SGCZ: variants seen among roughly 807,000 people sequenced by gnomAD.
SGCZ encodes zeta-sarcoglycan.
In SGCZ, 40 loss-of-function variants were observed where a neutral mutation model predicts 41.3. The observed-to-expected ratio is 0.97, with a 90% CI of 0.75 to 1.26. The LOEUF is 1.26. SGCZ is among the 50% of genes most tolerant of loss of function. The probability of loss-of-function intolerance (pLI) is 0.00; values close to 1 mark genes in which losing one functional copy is unlikely to be tolerated. For synonymous variants in SGCZ, 206 were observed against 137.5 expected (o/e 1.50, Z -3.49); for missense variants, 552 against 369.8 (o/e 1.49, Z -4.04).
At chr8:14,177,958 C>CTT (rs147303437) in intron 4 of SGCZ, among the ~76,000 whole-genome samples, 11 of 95,048 alleles carry the variant, frequency 1.2e-4, no homozygotes, top group African/African-American at 3.3e-4. Flanking sequence ...CTTTTTTTTT[C>CTT]TTTTTTTTTT....
intron 5 of SGCZ, among the ~76,000 whole-genome samples, chr8:14,133,561 A>ATTG (rs2117062873): frequency 6.6e-6 from 1 of 152,278 alleles, no homozygotes; most frequent in African/African-American, 2.4e-5. Context: ...AAGAACACTA[A>ATTG]TTGTTGGTGT....
intron 1 of SGCZ, among the ~76,000 whole-genome samples, chr8:14,604,216 G>A (rs897092127): frequency 6.6e-6 from 1 of 152,066 alleles, no homozygotes; most frequent in Non-Finnish European, 1.5e-5. Flanking sequence ...TATAGAAGAG[G>A]CTTCTTCTTA....
At chr8:14,823,241 A>G (rs2130575304) in intron 1 of SGCZ, among the ~76,000 whole-genome samples, 1 of 151,988 alleles carries the variant, frequency 6.6e-6, no homozygotes, top group South Asian at 2.1e-4. Flanking sequence ...GAATTACATC[A>G]AACAAAAAAA....
At chr8:14,752,522 T>A (rs573014212) in intron 1 of SGCZ, among the ~76,000 whole-genome samples, 1 of 152,320 alleles carries the variant, frequency 6.6e-6, no homozygotes, top group African/African-American at 2.4e-5. Context: ...GGTTTATTCA[T>A]TATCTAGCCC....
intron 4 of SGCZ, among the ~76,000 whole-genome samples, chr8:14,220,205 A>G (rs972048255): frequency 1.3e-5 from 2 of 152,180 alleles, no homozygotes; most frequent in African/African-American, 4.8e-5. Flanking sequence ...ACTGAACTGA[A>G]CTGAAAACTT....
chr8:14,869,218 C>T (rs1804052205), intron 1 of SGCZ, among the ~76,000 whole-genome samples: 1 of 152,148 alleles, frequency 6.6e-6, no homozygotes, highest in Admixed American at 6.5e-5. Context: ...AATCCAGTGG[C>T]ACATCAAATA....
At chr8:14,761,955 C>G (rs1003039449) in intron 1 of SGCZ, among the ~76,000 whole-genome samples, 4 of 152,138 alleles carry the variant, frequency 2.6e-5, no homozygotes, top group Admixed American at 2.6e-4. Flanking sequence ...GCACCAATTT[C>G]TCTAACATAT....
At chr8:15,018,536 C>T (rs952262105) in intron 1 of SGCZ, among the ~76,000 whole-genome samples, 1 of 152,072 alleles carries the variant, frequency 6.6e-6, no homozygotes, top group Admixed American at 6.6e-5. Context: ...GAGGAGCAGT[C>T]TAGGCAGAGG....
At chr8:14,316,092 T>C (rs1157606286) in intron 3 of SGCZ, among the ~76,000 whole-genome samples, 1 of 151,880 alleles carries the variant, frequency 6.6e-6, no homozygotes, top group Admixed American at 6.6e-5. Flanking sequence ...GGCAATTTCA[T>C]GGTGGAATTA....
chr8:14,651,433 A>G (rs1342627692), intron 1 of SGCZ, among the ~76,000 whole-genome samples: 1 of 152,110 alleles, frequency 6.6e-6, no homozygotes, highest in African/African-American at 2.4e-5. Flanking sequence ...GCTGTTCTTA[A>G]AATGTTTTCT....
At chr8:14,914,577 T>C (rs1302600629) in intron 1 of SGCZ, among the ~76,000 whole-genome samples, 2 of 152,118 alleles carry the variant, frequency 1.3e-5, no homozygotes, top group African/African-American at 2.4e-5. Flanking sequence ...GTTCTTTTAG[T>C]CATAGCCCAT....
rs192115257 is a variant in SGCZ at position 14,687,926 on chromosome 8, T to G, written c.40-133000A>C. ...ATGGTATCTCATTGTGGTTTTGATG[T>G]GCATTTCTCTGATAGACTGTAATGG... On this transcript the variant is annotated intron_variant, in intron 1 of 7. Transcript: ENST00000382080. Among the ~76,000 whole-genome samples the G allele has an allele frequency of 4.2e-3, 641 of 152,344 alleles. 3 individuals are homozygous for G. The highest frequency in any genetic ancestry group is 8.5e-3 in the Admixed American group (130 of 15,298).
intron 1 of SGCZ, among the ~76,000 whole-genome samples, chr8:14,889,697 A>G (rs181576173): frequency 3.3e-5 from 5 of 152,138 alleles, no homozygotes; most frequent in African/African-American, 4.8e-5. Flanking sequence ...ACATATTAAC[A>G]TATACTATTA....
intron 1 of SGCZ, among the ~76,000 whole-genome samples, chr8:15,165,292 G>GC (rs1294653441): frequency 2.3e-4 from 35 of 151,104 alleles, no homozygotes; most frequent in Non-Finnish European, 8.8e-5. Context: ...TGTCCTCCCC[G>GC]CCCCCACCAA....
intron 1 of SGCZ, among the ~76,000 whole-genome samples, chr8:14,779,789 T>C (rs995982072): frequency 6.6e-6 from 1 of 152,154 alleles, no homozygotes; most frequent in African/African-American, 2.4e-5. Flanking sequence ...TAAATGAAAG[T>C]TATTAGCAAT....
intron 6 of SGCZ, among the ~76,000 whole-genome samples, chr8:14,102,764 G>C (rs561514017): frequency 1.3e-5 from 2 of 152,066 alleles, no homozygotes; most frequent in South Asian, 4.2e-4. Flanking sequence ...ATGACAATTT[G>C]CTTATGGTTT....
intron 2 of SGCZ, among the ~76,000 whole-genome samples, chr8:14,485,872 T>A (rs1801658623): frequency 7.9e-6 from 1 of 125,874 alleles, no homozygotes; most frequent in Non-Finnish European, 1.7e-5. Context: ...TCTCGCTCTG[T>A]CGCCCAGGCC....
chr8:14,545,253 C>T (rs747210476), intron 2 of SGCZ, among the ~76,000 whole-genome samples: 2 of 151,780 alleles, frequency 1.3e-5, no homozygotes, highest in African/African-American at 2.4e-5. Context: ...ATGAGTTTAC[C>T]AACTGGCAAT....
intron 2 of SGCZ, among the ~76,000 whole-genome samples, chr8:14,492,618 C>T (rs1453540564): frequency 1.3e-5 from 2 of 152,278 alleles, no homozygotes; most frequent in East Asian, 3.9e-4. Flanking sequence ...GCTCAAATTT[C>T]TCACTAACTT....
Sources: allele counts gnomAD v4.1 joint callset (sites outside exome capture counted in the v4.1 genomes callset), GRCh38; gene constraint gnomAD v4.1.1; transcripts MANE v1.5; gene names NCBI Gene and HGNC (gene_info 2026-07-23, HGNC 2026-07-21).